The following THSD7B variants were observed in gnomAD, a reference collection of about 807,000 sequenced individuals.
The protein encoded by THSD7B is thrombospondin type-1 domain-containing protein 7B.
A neutral mutation model predicts 213.6 loss-of-function variants in THSD7B; 138 were observed. The observed-to-expected ratio is 0.65, with a 90% CI of 0.56 to 0.74. The LOEUF is 0.74. THSD7B is among the 30% of genes least tolerant of loss of function. The probability of loss-of-function intolerance (pLI) is 0.00; values close to 1 mark genes in which losing one functional copy is unlikely to be tolerated. For missense variants in THSD7B, 1,931 were observed against 1,991.5 expected, an observed-to-expected ratio of 0.97 and a Z score of 0.58; for synonymous variants, 742 against 687.0, an observed-to-expected ratio of 1.08 and a Z score of -1.25.
chr2:137,124,869 A>G (rs1688605659), intron 5 of THSD7B, among the ~76,000 whole-genome samples: 1 of 152,196 alleles, frequency 6.6e-6, no homozygotes, highest in Non-Finnish European at 1.5e-5. Context: ...TGGTGAGAAC[A>G]CTTAAAGTCT....
At chr2:136,885,699 T>C (rs970894021) in intron 2 of THSD7B, among the ~76,000 whole-genome samples, 5 of 152,224 alleles carry the variant, frequency 3.3e-5, no homozygotes, top group Non-Finnish European at 5.9e-5. Flanking sequence ...AGAGGTTCAC[T>C]TATTTCTAGT....
intron 15 of THSD7B, among the ~76,000 whole-genome samples, chr2:137,510,810 A>G (rs1337611203): frequency 1.3e-5 from 2 of 152,166 alleles, no homozygotes; most frequent in African/African-American, 2.4e-5. Flanking sequence ...ATTTTTGGCT[A>G]TTAGAAATTA....
Position 137,616,223 on chromosome 2 carries a change from C to A in THSD7B, c.3472C>A (p.Pro1158Thr). The change falls in exon 18 of 28, where the codon CCA (proline) becomes ACA (threonine). Residue 1158 changes from proline (P) to threonine (T), a missense_variant. Physicochemically the swap from Pro to Thr is conservative, Grantham distance 38. Coordinates refer to ENST00000409968, the MANE Select transcript of THSD7B (RefSeq NM_001316349.2). ...GAGAAGAACTCGCCACCTGCTAAGA[C>A]CATCACTGAACTCAAGGACTTGTGC... ...MQRRTRHLLR[P>T]SLNSRTCAED... is the part of the protein sequence containing the mutation. 6.2e-7 allele frequency: 1 copy of A among 1,613,840 alleles called. No homozygotes were observed. Among genetic ancestry groups the A allele is most frequent in the South Asian group, 1.1e-5 (1 of 91,086 alleles).
intron 2 of THSD7B, among the ~76,000 whole-genome samples, chr2:136,939,520 T>G (rs1684785214): frequency 6.6e-6 from 1 of 152,206 alleles, no homozygotes; most frequent in African/African-American, 2.4e-5. Flanking sequence ...GGAGAATTCC[T>G]GTCAGGTTGG....
In THSD7B at chr2:137,131,505, G is replaced by A. The variant is rs1286902038; in HGVS notation, c.1369+16212G>A. Among the ~76,000 whole-genome samples, 4 of 152,080 alleles carry A rather than the reference G, an allele frequency of 2.6e-5. 1 individual carries two copies. Among genetic ancestry groups the A allele is most frequent in the Non-Finnish European group, 5.9e-5 (4 of 67,998 alleles). On this transcript the variant is annotated intron_variant, in intron 5 of 27. Transcript: ENST00000409968. ...CTAGGTTTTCTTCTAGGGTTTTAAT[G>A]GTTTTAGGTCTAACAGGTAAGTCTT...
chr2:136,997,162 T>C (rs1305811776), intron 2 of THSD7B, among the ~76,000 whole-genome samples: 2 of 152,206 alleles, frequency 1.3e-5, no homozygotes, highest in Admixed American at 6.5e-5. Context: ...TGACTCTGTA[T>C]TGAGCTGAAA....
intron 2 of THSD7B, among the ~76,000 whole-genome samples, chr2:137,029,142 G>C (rs1325373510): frequency 1.5e-5 from 2 of 131,402 alleles, no homozygotes; most frequent in Non-Finnish European, 3.1e-5. Flanking sequence ...TTAGTGGCAT[G>C]ATCTCGGCTC....
At position 137,051,629 on chromosome 2, in the gene THSD7B, T is replaced by C. The variant is rs141064937; in HGVS notation, c.140-4791T>C. Reference sequence around the variant, plus strand: ...CTTAAGTTGCTAAAACTCTGCATCATTATTCATGTCATCTCCCCATACCCC... The same window carrying C: ...CTTAAGTTGCTAAAACTCTGCATCACTATTCATGTCATCTCCCCATACCCC... On this transcript the variant is annotated intron_variant, in intron 2 of 27. Coordinates refer to ENST00000409968, the MANE Select transcript of THSD7B (RefSeq NM_001316349.2). Among the ~76,000 whole-genome samples the C allele has an allele frequency of 7.9e-3, 1,198 of 152,296 alleles. 8 individuals carry two copies. The highest frequency in any genetic ancestry group is 0.018 in the African/African-American group (756 of 41,570).
intron 12 of THSD7B, among the ~76,000 whole-genome samples, chr2:137,286,695 G>A (rs186552649): frequency 6.6e-6 from 1 of 151,658 alleles, no homozygotes; most frequent in African/African-American, 2.4e-5. Context: ...TTTATTTTGG[G>A]TATGGGAGGA....
At chr2:137,666,476 A>G (rs1242159245) in intron 26 of THSD7B, among the ~76,000 whole-genome samples, 2 of 152,050 alleles carry the variant, frequency 1.3e-5, no homozygotes, top group African/African-American at 4.8e-5. Context: ...TTGTAATGTA[A>G]TTGAAAGTAA....
chr2:137,291,615 C>G (rs1055971491), intron 12 of THSD7B, among the ~76,000 whole-genome samples: 1 of 152,080 alleles, frequency 6.6e-6, no homozygotes, highest in Non-Finnish European at 1.5e-5. Context: ...AACACGTTTT[C>G]TGTGCTTAAA....
intron 12 of THSD7B, among the ~76,000 whole-genome samples, chr2:137,284,531 G>A (rs1284777940): frequency 6.6e-6 from 1 of 151,988 alleles, no homozygotes; most frequent in Non-Finnish European, 1.5e-5. Flanking sequence ...TCTCTTGTGG[G>A]CATTTAGTGC....
intron 7 of THSD7B, among the ~76,000 whole-genome samples, chr2:137,192,642 T>C (rs1003289532): frequency 6.6e-6 from 1 of 152,148 alleles, no homozygotes; most frequent in Non-Finnish European, 1.5e-5. Context: ...AGGGCTTTTT[T>C]AAAAAAATAA....
chr2:137,207,919 G>A (rs189128362), intron 7 of THSD7B, among the ~76,000 whole-genome samples: 9 of 152,152 alleles, frequency 5.9e-5, no homozygotes, highest in East Asian at 3.9e-4. Flanking sequence ...CATTGAGACC[G>A]TGGTTTTGCA....
intron 7 of THSD7B, among the ~76,000 whole-genome samples, chr2:137,193,782 A>T (rs535954862): frequency 6.6e-6 from 1 of 151,922 alleles, no homozygotes; most frequent in South Asian, 2.1e-4. Context: ...AGGTTACGGG[A>T]TGCATACAAA....
intron 5 of THSD7B, among the ~76,000 whole-genome samples, chr2:137,149,344 A>G (rs1189179062): frequency 6.9e-6 from 1 of 144,046 alleles, no homozygotes; most frequent in Non-Finnish European, 1.5e-5. Context: ...CAGAAGGGAA[A>G]TATGGGGTTG....
At chr2:137,245,843 G>A (rs1174820189) in intron 10 of THSD7B, among the ~76,000 whole-genome samples, 1 of 152,156 alleles carries the variant, frequency 6.6e-6, no homozygotes, top group African/African-American at 2.4e-5. Flanking sequence ...GGGAAATGGT[G>A]TCCTAAAACA....
At chr2:137,574,773 C>T (rs1200745502) in intron 17 of THSD7B, among the ~76,000 whole-genome samples, 5 of 152,036 alleles carry the variant, frequency 3.3e-5, no homozygotes, top group Non-Finnish European at 5.9e-5. Context: ...GCATAATGTC[C>T]CGTCATCATA....
At chr2:137,616,812 C>T (rs1445952071) in intron 18 of THSD7B, among the ~76,000 whole-genome samples, 1 of 152,180 alleles carries the variant, frequency 6.6e-6, no homozygotes, top group East Asian at 1.9e-4. Context: ...TCTAGCTGTT[C>T]AGCCGCTGCT....
Sources: allele counts gnomAD v4.1 joint callset (sites outside exome capture counted in the v4.1 genomes callset), GRCh38; gene constraint gnomAD v4.1.1; transcripts MANE v1.5; gene names NCBI Gene and HGNC (gene_info 2026-07-23, HGNC 2026-07-21).